TGM4: variants seen among roughly 807,000 people sequenced by gnomAD.
The protein encoded by TGM4 is protein-glutamine gamma-glutamyltransferase 4.
In TGM4, 61 loss-of-function variants were observed where a neutral mutation model predicts 76.3. The observed-to-expected ratio is 0.80, with a 90% CI of 0.65 to 0.99. The LOEUF (loss-of-function observed/expected upper bound fraction) is 0.99, where lower values mean the gene tolerates loss of function less well. TGM4 is among the 50% of genes least tolerant of loss of function. TGM4 has a pLI of 0.00. For synonymous variants in TGM4, 337 were observed against 329.8 expected, an observed-to-expected ratio of 1.02 and a Z score of -0.24; for missense variants, 794 against 843.2, an observed-to-expected ratio of 0.94 and a Z score of 0.72.
At position 44,885,502 on chromosome 3, in the gene TGM4, A is replaced by G; in HGVS notation, c.193+4A>G. The stretch of plus-strand genomic sequence containing the variant: ...CTGAAACTGGAATTCAGCACAGGTG[A>G]AGCCTCGGGGCCCTACTCATGGGGC... On this transcript the variant is annotated splice_donor_region_variant and intron_variant, in intron 2 of 13. Coordinates refer to ENST00000296125, the MANE Select transcript of TGM4 (RefSeq NM_003241.4). 1.2e-6 allele frequency: 2 copies of G among 1,608,004 alleles called. No individual in the cohort carries two copies. Among genetic ancestry groups the G allele is most frequent in the South Asian group, 2.2e-5 (2 of 90,770 alleles).
chr3:44,896,615 C>G, intron 5 of TGM4, 94 bp from the exon 6 acceptor site: 6 of 1,153,288 alleles, frequency 5.2e-6, no homozygotes, highest in Non-Finnish European at 7.8e-6. Context: ...GGTTACGCTA[C>G]AGGGTGGCTG....
At chr3:44,877,899 G>T (rs1160629132) in intron 1 of TGM4, among the ~76,000 whole-genome samples, 3 of 152,110 alleles carry the variant, frequency 2.0e-5, no homozygotes, top group African/African-American at 7.2e-5. Flanking sequence ...ATTTTAAATG[G>T]TCTACATGTC....
chr3:44,894,710 G>A (rs1699756367), intron 5 of TGM4, among the ~76,000 whole-genome samples: 2 of 151,812 alleles, frequency 1.3e-5, no homozygotes, highest in African/African-American at 4.8e-5. Context: ...AGCTGCTTGA[G>A]TTTCTCCTCC....
rs571193025 is a variant in TGM4 at position 44,894,674 on chromosome 3, C to G, written c.549+979C>G. On this transcript the variant is annotated intron_variant, in intron 5 of 13. Transcript: ENST00000296125. ...TCCCCCAAGATTTGACAACAAAAAACTCCTGGGAAATGCCAGGCATTTCAC... is the reference window on the plus strand; with the variant it reads ...TCCCCCAAGATTTGACAACAAAAAAGTCCTGGGAAATGCCAGGCATTTCAC... Among the ~76,000 whole-genome samples the G allele has an allele frequency of 5.8e-4, 88 of 151,672 alleles. 1 individual carries two copies. The highest frequency in any genetic ancestry group is 1.5e-3 in the South Asian group (7 of 4,800).
intron 2 of TGM4, among the ~76,000 whole-genome samples, chr3:44,885,929 A>C (rs1699601530): frequency 2.0e-5 from 3 of 152,240 alleles, no homozygotes; most frequent in African/African-American, 4.8e-5. Context: ...TGTTATAGCT[A>C]GGTAAATATA....
chr3:44,901,397 C>T, intron 6 of TGM4, 127 bp from the exon 7 acceptor site: 1 of 1,177,494 alleles, frequency 8.5e-7, no homozygotes, highest in East Asian at 2.6e-5. Flanking sequence ...TCTGGAAAGC[C>T]CACGTCCTCC....
chr3:44,906,272 A>G (rs1310248933), intron 9 of TGM4, among the ~76,000 whole-genome samples: 7 of 152,354 alleles, frequency 4.6e-5, no homozygotes, highest in Admixed American at 3.9e-4. Context: ...AAGGGTATGT[A>G]AAAACCAAAG....
chr3:44,879,810 T>C (rs1239640457), intron 1 of TGM4, among the ~76,000 whole-genome samples: 3 of 151,766 alleles, frequency 2.0e-5, no homozygotes, highest in Non-Finnish European at 4.4e-5. Context: ...TTATTTATTA[T>C]TTTTTGAAAT....
chr3:44,897,000 C>CTT (rs59154155), intron 6 of TGM4, among the ~76,000 whole-genome samples, 184 bp downstream of exon 6: 69 of 104,346 alleles, frequency 6.6e-4, no homozygotes, highest in Middle Eastern at 5.6e-3. Flanking sequence ...GTTTTCTTTT[C>CTT]TTTTTTTTTT....
intron 11 of TGM4, among the ~76,000 whole-genome samples, chr3:44,910,574 G>A (rs2242475): frequency 0.21 from 31,994 of 152,178 alleles, 4,969 homozygotes; most frequent in East Asian, 0.77. Context: ...ACTGGACTAG[G>A]AGCCTGGGTC....
At chr3:44,903,561 A>T (rs1210444338) in intron 8 of TGM4, 1 of 325,168 alleles carries the variant, frequency 3.1e-6, no homozygotes, top group Non-Finnish European at 5.8e-6. Flanking sequence ...AAGACAGATA[A>T]GATTTAGTTC....
intron 4 of TGM4, among the ~76,000 whole-genome samples, chr3:44,892,899 TA>T (rs1699724059): frequency 6.6e-6 from 1 of 152,330 alleles, no homozygotes; most frequent in South Asian, 2.1e-4. Flanking sequence ...AGATTCAGGT[TA>T]CGCAGTCCTT....
At chr3:44,891,977 G>C (rs1354606960) in intron 4 of TGM4, among the ~76,000 whole-genome samples, 8 of 126,176 alleles carry the variant, frequency 6.3e-5, no homozygotes, top group Non-Finnish European at 1.2e-4. Context: ...AAAAAAAATA[G>C]GCCAGGCGCG....
At chr3:44,887,395 G>A (rs1169901764) in intron 2 of TGM4, among the ~76,000 whole-genome samples, 2 of 152,224 alleles carry the variant, frequency 1.3e-5, no homozygotes, top group Non-Finnish European at 2.9e-5. Context: ...ATGGTAACTC[G>A]AATGAGCATG....
intron 9 of TGM4, among the ~76,000 whole-genome samples, chr3:44,905,553 C>T (rs986636911): frequency 3.9e-5 from 6 of 152,204 alleles, no homozygotes; most frequent in African/African-American, 1.4e-4. Context: ...ACAGGGCTGT[C>T]TACTTGGGAA....
chr3:44,912,733 T>A (rs2125761812), intron 13 of TGM4, among the ~76,000 whole-genome samples: 1 of 152,288 alleles, frequency 6.6e-6, no homozygotes, highest in Non-Finnish European at 1.5e-5. Context: ...GATTTTCCCA[T>A]TTTTTTCCAG....
At chr3:44,908,417 T>G (rs1699955935) in intron 10 of TGM4, among the ~76,000 whole-genome samples, 1 of 152,050 alleles carries the variant, frequency 6.6e-6, no homozygotes, top group Non-Finnish European at 1.5e-5. Flanking sequence ...TTTTTTGTTT[T>G]TTTTGCAGGG....
chr3:44,884,468 G>A (rs1423623332), intron 1 of TGM4, among the ~76,000 whole-genome samples: 1 of 152,044 alleles, frequency 6.6e-6, no homozygotes. Flanking sequence ...TTTCACTTTA[G>A]CATTGAAGAA....
chr3:44,899,812 C>T (rs1055475081), intron 6 of TGM4, among the ~76,000 whole-genome samples: 8 of 152,234 alleles, frequency 5.3e-5, no homozygotes, highest in African/African-American at 1.9e-4. Context: ...TACTTCCAGG[C>T]TCACTCACCT....
Sources: gnomAD v4.1 joint callset for allele counts (sites outside exome capture counted in the v4.1 genomes callset) on GRCh38, gnomAD v4.1.1 for gene constraint, MANE v1.5 for transcripts, NCBI Gene and HGNC (gene_info 2026-07-23, HGNC 2026-07-21) for gene names.